PCSK5: variants seen among roughly 807,000 people sequenced by gnomAD.
PCSK5 encodes prohormone convertase 5.
PCSK5 carries 129 observed loss-of-function variants against 233.2 expected under a neutral mutation model. The ratio of observed to expected loss-of-function variants is 0.55; its 90% CI spans 0.48 to 0.64. The LOEUF (loss-of-function observed/expected upper bound fraction) is 0.64. PCSK5 is among the 30% of genes least tolerant of loss of function. The pLI is 0.00. For missense variants in PCSK5, 2,076 were observed against 2,430.1 expected, an observed-to-expected ratio of 0.85 and a Z score of 3.06; for synonymous variants, 825 against 879.2, an observed-to-expected ratio of 0.94 and a Z score of 1.09.
At chr9:76,264,614 A>G (rs1342893800) in intron 24 of PCSK5, among the ~76,000 whole-genome samples, 2 of 152,202 alleles carry the variant, frequency 1.3e-5, no homozygotes, top group South Asian at 2.1e-4. Context: ...ATGAACAGAC[A>G]CTTCTCAAAA....
intron 5 of PCSK5, among the ~76,000 whole-genome samples, chr9:76,028,746 C>T (rs34391135): frequency 0.097 from 14,719 of 152,110 alleles, 928 homozygotes; most frequent in Non-Finnish European, 0.13. Flanking sequence ...AGTCCTGCAA[C>T]GGCAGACTGG....
At chr9:76,216,857 T>G (rs1438625387) in intron 20 of PCSK5, among the ~76,000 whole-genome samples, 1 of 152,242 alleles carries the variant, frequency 6.6e-6, no homozygotes, top group Non-Finnish European at 1.5e-5. Flanking sequence ...TTTTGTTTGT[T>G]TTTGAGATGG....
chr9:76,208,795 C>A (rs1224873999), intron 20 of PCSK5, among the ~76,000 whole-genome samples: 2 of 152,058 alleles, frequency 1.3e-5, no homozygotes, highest in East Asian at 1.9e-4. Flanking sequence ...TTTTTCCAAC[C>A]TGGATGGTTT....
intron 7 of PCSK5, among the ~76,000 whole-genome samples, chr9:76,095,447 C>G (rs7863797): frequency 0.7 from 106,997 of 152,054 alleles, 37,864 homozygotes; most frequent in South Asian, 0.78. Flanking sequence ...ATATCTCACT[C>G]TCTGGGTTCA....
intron 9 of PCSK5, among the ~76,000 whole-genome samples, chr9:76,122,701 A>G (rs1832688964): frequency 6.6e-6 from 1 of 151,986 alleles, no homozygotes; most frequent in South Asian, 2.1e-4. Flanking sequence ...TAGGACATAT[A>G]TTTCAATATT....
chr9:76,325,666 G>T (rs1829339812), intron 32 of PCSK5, among the ~76,000 whole-genome samples: 1 of 129,948 alleles, frequency 7.7e-6, no homozygotes, highest in Non-Finnish European at 1.7e-5. Flanking sequence ...ACGGAGTTTT[G>T]CTCTCGTTGC....
chr9:76,026,885 T>C (rs940648619), intron 4 of PCSK5, 76 bp from the exon 5 acceptor site: 10 of 930,864 alleles, frequency 1.1e-5, no homozygotes, highest in Admixed American at 2.1e-5. Flanking sequence ...TATTTAAAAA[T>C]GCATGAGCCT....
chr9:76,253,891 T>C (rs1196642345), intron 24 of PCSK5, among the ~76,000 whole-genome samples: 2 of 152,168 alleles, frequency 1.3e-5, no homozygotes, highest in Admixed American at 6.5e-5. Context: ...GCTTAGAAGC[T>C]CTTTGTTATA....
chr9:76,224,291 CT>C (rs1825814463), intron 20 of PCSK5, among the ~76,000 whole-genome samples: 1 of 152,018 alleles, frequency 6.6e-6, no homozygotes, highest in Admixed American at 6.6e-5. Context: ...GAGAAATATT[CT>C]GAGGAAAGAA....
chr9:76,145,114 G>A (rs527473928), intron 10 of PCSK5, among the ~76,000 whole-genome samples: 3 of 152,210 alleles, frequency 2.0e-5, no homozygotes, highest in Admixed American at 1.3e-4. Context: ...GACAGAGCAA[G>A]ACTCCATCTT....
chr9:75,966,538 G>A lies in PCSK5; in HGVS notation c.298-19594G>A, dbSNP rs1004166586. On this transcript the variant is annotated intron_variant, in intron 2 of 37. Coordinates refer to ENST00000674117, the MANE Select transcript of PCSK5 (RefSeq NM_001372043.1). ...GCTCTTGAAAAAAGTCTTTCTTCTC[G>A]CTATAGAGGTAGATCTCTTTTAGTG... Among the ~76,000 whole-genome samples the A allele has an allele frequency of 3.9e-5, 6 of 152,168 alleles. No individual in the cohort carries two copies. In the East Asian group the frequency reaches 7.7e-4, roughly 20 times the overall value.
intron 1 of PCSK5, among the ~76,000 whole-genome samples, chr9:75,904,837 A>G (rs528981486): frequency 4.6e-5 from 7 of 152,244 alleles, no homozygotes; most frequent in Non-Finnish European, 8.8e-5. Flanking sequence ...TCCACACAAA[A>G]TCTTGTAGAT....
At position 75,943,621 on chromosome 9, in the gene PCSK5, A is replaced by C. The variant is rs182385059; in HGVS notation, c.297+11138A>C. 9.2e-5 allele frequency among the ~76,000 whole-genome samples: 14 copies of C among 152,348 alleles called. 1 individual carries two copies. The East Asian group carries it at 2.3e-3, about 25-fold the overall frequency. Reference sequence around the variant, plus strand: ...AAGGAGGCAATAAGACGCAGTGGAAAGAACCTTTGTATTGTAGTTCCTACT... The same window carrying C: ...AAGGAGGCAATAAGACGCAGTGGAACGAACCTTTGTATTGTAGTTCCTACT... On this transcript the variant is annotated intron_variant, in intron 2 of 37. Coordinates refer to ENST00000674117, the MANE Select transcript of PCSK5 (RefSeq NM_001372043.1).
chr9:75,955,749 T>C (rs1825066565), intron 2 of PCSK5, among the ~76,000 whole-genome samples: 1 of 152,148 alleles, frequency 6.6e-6, no homozygotes, highest in Non-Finnish European at 1.5e-5. Context: ...TTAAATTTAA[T>C]TTATCCATAA....
chr9:76,070,152 C>A (rs960928869), intron 6 of PCSK5, among the ~76,000 whole-genome samples: 8 of 152,186 alleles, frequency 5.3e-5, no homozygotes, highest in Non-Finnish European at 1.2e-4. Flanking sequence ...AGGTGCCCAC[C>A]ACTGCGCCCG....
chr9:75,987,066 A>T (rs1389179339), intron 3 of PCSK5, among the ~76,000 whole-genome samples: 1 of 152,136 alleles, frequency 6.6e-6, no homozygotes, highest in Non-Finnish European at 1.5e-5. Flanking sequence ...ATACTACTTT[A>T]GTTTTTGTAT....
chr9:76,353,938 C>G (rs1195573771), intron 36 of PCSK5, 95 bp from the exon 37 acceptor site: 1 of 859,668 alleles, frequency 1.2e-6, no homozygotes, highest in African/African-American at 1.7e-5. Context: ...ACACATCTCC[C>G]TCCTTATGAA....
chr9:76,275,890 C>T (rs983453601), intron 24 of PCSK5, among the ~76,000 whole-genome samples: 7 of 152,344 alleles, frequency 4.6e-5, no homozygotes, highest in East Asian at 1.9e-4. Context: ...ACTGTCCCTT[C>T]GCCAATTTGC....
intron 24 of PCSK5, among the ~76,000 whole-genome samples, chr9:76,278,466 G>T (rs1057017671): frequency 2.6e-5 from 4 of 152,044 alleles, no homozygotes; most frequent in Admixed American, 2.6e-4. Flanking sequence ...TGGGAGATCT[G>T]TGGGAGGATG....
Sources: allele counts gnomAD v4.1 joint callset (sites outside exome capture counted in the v4.1 genomes callset), GRCh38; gene constraint gnomAD v4.1.1; transcripts MANE v1.5; gene names NCBI Gene and HGNC (gene_info 2026-07-23, HGNC 2026-07-21).